Variants in RBM20 observed in about 807,000 individuals in gnomAD.
The protein encoded by RBM20 is RNA binding motif protein 20.
A neutral mutation model predicts 110.1 loss-of-function variants in RBM20; 51 were observed. That is an observed-to-expected ratio of 0.46 (90% CI 0.37 to 0.59). The LOEUF (loss-of-function observed/expected upper bound fraction) is 0.59, where lower values mean the gene tolerates loss of function less well. Among genes scored for constraint, RBM20 ranks in the 20% least tolerant of loss-of-function variants. RBM20 has a pLI of 0.00. For synonymous variants in RBM20, 589 were observed against 618.2 expected, an observed-to-expected ratio of 0.95 and a Z score of 0.70; for missense variants, 1,512 against 1,574.9, an observed-to-expected ratio of 0.96 and a Z score of 0.68.
chr10:110,655,660 AC>A (rs1474590175), intron 1 of RBM20, among the ~76,000 whole-genome samples: 1 of 152,046 alleles, frequency 6.6e-6, no homozygotes, highest in Non-Finnish European at 1.5e-5. Context: ...TCTCTGCCAG[AC>A]ATACTTTTTG....
intron 1 of RBM20, among the ~76,000 whole-genome samples, chr10:110,729,858 T>TAA (rs773099606): frequency 2.0e-5 from 3 of 152,212 alleles, no homozygotes; most frequent in Non-Finnish European, 4.4e-5. Flanking sequence ...CTCACTCTTG[T>TAA]TGTTGCCCAG....
chr10:110,747,298 G>GT (rs1357620853), intron 1 of RBM20, among the ~76,000 whole-genome samples: 3 of 138,718 alleles, frequency 2.2e-5, no homozygotes, highest in African/African-American at 5.5e-5. Context: ...TCTTTTTTTG[G>GT]GGGGGGGGGT....
intron 1 of RBM20, among the ~76,000 whole-genome samples, chr10:110,660,603 C>A (rs1474133329): frequency 6.6e-6 from 1 of 152,056 alleles, no homozygotes; most frequent in Non-Finnish European, 1.5e-5. Context: ...CATAGGAGGG[C>A]AAATCCTATT....
rs550428980 is a variant in RBM20, at chr10:110,661,047, C to T, written c.191+16402C>T. 1.4e-4 allele frequency among the ~76,000 whole-genome samples: 21 copies of T among 152,276 alleles called. No individual in the cohort carries two copies. In the South Asian group the frequency reaches 4.4e-3, roughly 32 times the overall value. ...GAGAGTTGTACTCAGTGATTTACCCCCCAGGGCCTAGGAGCAATTCCTGAC... is the reference window on the plus strand; with the variant it reads ...GAGAGTTGTACTCAGTGATTTACCCTCCAGGGCCTAGGAGCAATTCCTGAC... On this transcript the variant is annotated intron_variant, in intron 1 of 13. Coordinates refer to ENST00000369519, the MANE Select transcript of RBM20 (RefSeq NM_001134363.3).
In RBM20 at chr10:110,812,766, T is replaced by G; in HGVS notation, c.2369T>G (p.Leu790Arg). 6.4e-7 allele frequency: 1 copy of G among 1,551,618 alleles called. No individual in the cohort carries two copies. The highest frequency in any genetic ancestry group is 8.7e-7 in the Non-Finnish European group (1 of 1,146,966). ...TCCAGGAGGAAAGACGAGGCCAGGCTGCGGGAAAGCAGACACCCCCATCCG... is the reference window on the plus strand; with the variant it reads ...TCCAGGAGGAAAGACGAGGCCAGGCGGCGGGAAAGCAGACACCCCCATCCG... ...GRSRRKDEAR[L>R]RESRHPHPDD... The change falls in exon 9 of 14, where the codon CTG (leucine) becomes CGG (arginine). Residue 790 changes from leucine (L) to arginine (R), a missense_variant. Around this residue, in one of 3 missense-constraint regions of RBM20, gnomAD observed 1,149 missense variants for 1,169.4 expected, o/e 0.98. Transcript: ENST00000369519.
intron 1 of RBM20, among the ~76,000 whole-genome samples, chr10:110,752,945 A>AT (rs71492062): frequency 0.026 from 2,861 of 108,872 alleles, 56 homozygotes; most frequent in Middle Eastern, 0.033. Context: ...ATATATATAT[A>AT]TTTTTTTTTT....
At chr10:110,817,764 G>A (rs1250017180) in intron 9 of RBM20, among the ~76,000 whole-genome samples, 2 of 152,180 alleles carry the variant, frequency 1.3e-5, no homozygotes, top group South Asian at 4.1e-4. Context: ...GTATTGACTG[G>A]GTGAAAAGGA....
chr10:110,699,910 TG>T, intron 1 of RBM20, among the ~76,000 whole-genome samples: 1 of 152,268 alleles, frequency 6.6e-6, no homozygotes, highest in Middle Eastern at 3.4e-3. Context: ...ATCATTGAGG[TG>T]GCTACTAAAT....
At chr10:110,653,589 A>C (rs1861981352) in intron 1 of RBM20, among the ~76,000 whole-genome samples, 1 of 150,768 alleles carries the variant, frequency 6.6e-6, no homozygotes, top group Non-Finnish European at 1.5e-5. Context: ...ACAGGGTCTC[A>C]CTCTGTCACT....
intron 1 of RBM20, among the ~76,000 whole-genome samples, chr10:110,696,124 G>A (rs1862660054): frequency 6.6e-6 from 1 of 152,158 alleles, no homozygotes; most frequent in Admixed American, 6.5e-5. Flanking sequence ...TGATGCCTGC[G>A]GAAGCGTGAG....
chr10:110,802,279 G>T (rs940746611), intron 7 of RBM20, among the ~76,000 whole-genome samples: 2 of 152,044 alleles, frequency 1.3e-5, no homozygotes, highest in Non-Finnish European at 2.9e-5. Context: ...TCCATATGTA[G>T]ATGGGCACTG....
chr10:110,761,531 G>A (rs1232359281), intron 1 of RBM20, among the ~76,000 whole-genome samples: 3 of 152,206 alleles, frequency 2.0e-5, no homozygotes, highest in Admixed American at 6.5e-5. Flanking sequence ...ACTCAGTAAC[G>A]GTTGAAGGTC....
chr10:110,681,142 G>A (rs917302606), intron 1 of RBM20, among the ~76,000 whole-genome samples: 1 of 152,188 alleles, frequency 6.6e-6, no homozygotes. Flanking sequence ...GACCTCTGCA[G>A]AAGGCATTTC....
At chr10:110,786,506 T>C (rs1284060675) in intron 5 of RBM20, among the ~76,000 whole-genome samples, 1 of 152,094 alleles carries the variant, frequency 6.6e-6, no homozygotes, top group Non-Finnish European at 1.5e-5. Context: ...TGATCTGTGA[T>C]GTTGAATAGG....
At chr10:110,652,566 G>A (rs1163463113) in intron 1 of RBM20, among the ~76,000 whole-genome samples, 2 of 152,162 alleles carry the variant, frequency 1.3e-5, no homozygotes, top group Non-Finnish European at 2.9e-5. Context: ...CTGTCTTGAA[G>A]ACTGAGCTGC....
At chr10:110,799,662 T>C in intron 6 of RBM20, 125 bp from the exon 7 acceptor site, 1 of 897,698 alleles carries the variant, frequency 1.1e-6, no homozygotes, top group Non-Finnish European at 1.6e-6. Flanking sequence ...CAATGCTAAC[T>C]CCTGTCACCG....
intron 1 of RBM20, among the ~76,000 whole-genome samples, chr10:110,657,170 C>G (rs967292452): frequency 2.0e-5 from 3 of 152,046 alleles, no homozygotes; most frequent in African/African-American, 7.2e-5. Context: ...GCCCATGCCA[C>G]CACGCCTGGC....
At chr10:110,695,049 C>T (rs182391403) in intron 1 of RBM20, among the ~76,000 whole-genome samples, 1 of 152,220 alleles carries the variant, frequency 6.6e-6, no homozygotes, top group East Asian at 1.9e-4. Flanking sequence ...CAGATATTGT[C>T]ACTTCAAAGG....
intron 1 of RBM20, among the ~76,000 whole-genome samples, chr10:110,764,954 A>G (rs539179605): frequency 6.6e-6 from 1 of 152,232 alleles, no homozygotes; most frequent in East Asian, 1.9e-4. Flanking sequence ...GCATTTGTGC[A>G]TGAGTATGCG....
Sources: gnomAD v4.1 joint callset for allele counts (sites outside exome capture counted in the v4.1 genomes callset) on GRCh38, gnomAD v4.1.1 for gene constraint, gnomAD v4.1.1 regional missense constraint, MANE v1.5 for transcripts, NCBI Gene and HGNC (gene_info 2026-07-23, HGNC 2026-07-21) for gene names.